NOL4L: variants seen among roughly 807,000 people sequenced by gnomAD.
NOL4L encodes the protein nucleolar protein 4-like.
A neutral mutation model predicts 64.5 loss-of-function variants in NOL4L; 7 were observed. The ratio of observed to expected loss-of-function variants is 0.11; its 90% CI spans 0.06 to 0.20. The LOEUF is 0.20. Ranked by LOEUF, NOL4L falls within the 10% of genes least tolerant of loss-of-function variation. The probability of loss-of-function intolerance (pLI) is 1.00; values close to 1 mark genes in which losing one functional copy is unlikely to be tolerated. For synonymous variants in NOL4L, 413 were observed against 401.0 expected (o/e 1.03, Z -0.36); for missense variants, 680 against 967.1 (o/e 0.70, Z 3.94).
intron 1 of NOL4L, among the ~76,000 whole-genome samples, chr20:32,573,039 CT>C (rs3078261): frequency 0.14 from 19,462 of 142,076 alleles, 3,916 homozygotes; most frequent in African/African-American, 0.45. Context: ...GCATCCTTTT[CT>C]TTTTTTTTTT....
At chr20:32,485,721 T>C (rs1225611567) in intron 4 of NOL4L, 1 of 470,680 alleles carries the variant, frequency 2.1e-6, no homozygotes, top group East Asian at 6.9e-5. Context: ...CTTAAGTTCA[T>C]CCAGGAAATG....
At chr20:32,504,148 C>T (rs2017037203) in intron 4 of NOL4L, among the ~76,000 whole-genome samples, 1 of 151,392 alleles carries the variant, frequency 6.6e-6, no homozygotes, top group Non-Finnish European at 1.5e-5. Flanking sequence ...TCGTTTAGTC[C>T]CCATGTAATC....
At chr20:32,449,189 T>G (rs2012617774) in intron 10 of NOL4L, among the ~76,000 whole-genome samples, 1 of 152,220 alleles carries the variant, frequency 6.6e-6, no homozygotes, top group Non-Finnish European at 1.5e-5. Flanking sequence ...CTGGGAAGCC[T>G]TCTCTGATGC....
chr20:32,501,916 GA>G (rs1326817388), intron 4 of NOL4L, among the ~76,000 whole-genome samples: 1 of 152,166 alleles, frequency 6.6e-6, no homozygotes, highest in African/African-American at 2.4e-5. Flanking sequence ...GAAATGTAAG[GA>G]AATGTAATCA....
intron 1 of NOL4L, among the ~76,000 whole-genome samples, chr20:32,551,041 G>A (rs779855759): frequency 6.6e-6 from 1 of 151,906 alleles, no homozygotes; most frequent in African/African-American, 2.4e-5. Context: ...GGGAGACAGA[G>A]CAAGACTCCA....
intron 1 of NOL4L, among the ~76,000 whole-genome samples, chr20:32,542,125 G>T (rs2018666153): frequency 6.6e-6 from 1 of 152,184 alleles, no homozygotes; most frequent in South Asian, 2.1e-4. Flanking sequence ...CTGGGGCAAG[G>T]TCCCGCATCC....
chr20:32,553,238 C>T (rs908899467), intron 1 of NOL4L, among the ~76,000 whole-genome samples: 1 of 152,172 alleles, frequency 6.6e-6, no homozygotes, highest in Non-Finnish European at 1.5e-5. Context: ...ACCTGGATCA[C>T]TGCAGCAGCC....
chr20:32,488,172 C>T (rs1399259955), intron 4 of NOL4L, among the ~76,000 whole-genome samples: 1 of 152,132 alleles, frequency 6.6e-6, no homozygotes. Flanking sequence ...TCAAGTGATC[C>T]ACCCGCCTTG....
At chr20:32,536,589 G>C (rs2018534492) in intron 1 of NOL4L, among the ~76,000 whole-genome samples, 1 of 148,440 alleles carries the variant, frequency 6.7e-6, no homozygotes, top group African/African-American at 2.5e-5. Flanking sequence ...GGGTTCGGAG[G>C]GCCTGCTGGA....
At chr20:32,573,624 T>C (rs1402854652) in intron 1 of NOL4L, 5 of 213,286 alleles carry the variant, frequency 2.3e-5, no homozygotes, top group Admixed American at 1.4e-4. Flanking sequence ...TGTCATCCCA[T>C]TTTACAGATG....
Position 32,453,693 on chromosome 20 carries a change from C to T in NOL4L, c.1188G>A (p.Leu396=), listed in dbSNP as rs765708805. ...KTEVSGCPED[L]TVGRAPTADD... is the part of the protein sequence containing the mutation. ...CTGCCGTCGGGGCCCGGCCCACTGTCAGGTCCTCAGGGCAGCCGCTGACCT... is the reference window on the plus strand; with the variant it reads ...CTGCCGTCGGGGCCCGGCCCACTGTTAGGTCCTCAGGGCAGCCGCTGACCT... Residue 396 remains leucine (L), a synonymous_variant, in exon 7 of 11, where the codon CTG becomes CTA. Transcript: ENST00000621426. The surrounding 1 kb of genome is among the most constrained non-coding windows in gnomAD (Gnocchi z 5.6). 5.1e-6 allele frequency: 8 copies of T among 1,564,972 alleles called. No homozygotes were observed. The South Asian group carries it at 9.3e-5, about 18-fold the overall frequency.
At chr20:32,508,320 C>T (rs2017220065) in intron 4 of NOL4L, among the ~76,000 whole-genome samples, 1 of 152,192 alleles carries the variant, frequency 6.6e-6, no homozygotes, top group Non-Finnish European at 1.5e-5. Context: ...ATTTTTAGTT[C>T]TAACTCAAGC....
intron 1 of NOL4L, among the ~76,000 whole-genome samples, chr20:32,559,038 G>A (rs181256902): frequency 3.1e-4 from 47 of 152,336 alleles, no homozygotes; most frequent in African/African-American, 1.1e-3. Context: ...CAGATCACAT[G>A]ATGGGGCTGT....
intron 5 of NOL4L, among the ~76,000 whole-genome samples, chr20:32,461,146 TGCCGGCTGCAGCCGCAAGG>T (rs565892154): frequency 1.3e-5 from 2 of 152,320 alleles, no homozygotes; most frequent in East Asian, 3.9e-4. Context: ...GTGGATTTGA[TGCCGGCTGCAGCCGCAAGG>T]GCTGAGTTTA....
chr20:32,474,474 T>C (rs2015247587), intron 5 of NOL4L, 127 bp downstream of exon 5: 18 of 1,181,132 alleles, frequency 1.5e-5, no homozygotes, highest in Non-Finnish European at 2.1e-5. Context: ...AGCTTGGGCC[T>C]GAGCCACCCA....
chr20:32,482,478 CG>C (rs1568639096), intron 4 of NOL4L, among the ~76,000 whole-genome samples: 1 of 152,134 alleles, frequency 6.6e-6, no homozygotes, highest in African/African-American at 2.4e-5. Context: ...AATAAAAATG[CG>C]GATTGCACTC....
chr20:32,474,574 C>T, intron 5 of NOL4L, 27 bp downstream of exon 5: 1 of 1,598,552 alleles, frequency 6.3e-7, no homozygotes, highest in Non-Finnish European at 8.5e-7. Context: ...CACAGCCCCT[C>T]CTCAACTGCC....
intron 1 of NOL4L, chr20:32,573,665 C>T: frequency 4.5e-6 from 1 of 220,130 alleles, no homozygotes; most frequent in South Asian, 6.8e-5. Context: ...GGGGAAGTAA[C>T]TTACCCAAGA....
At chr20:32,449,999 CCT>C (rs2012719648) in intron 10 of NOL4L, 1 of 152,412 alleles carries the variant, frequency 6.6e-6, no homozygotes, top group African/African-American at 2.4e-5. Flanking sequence ...GGAGAAGGTC[CCT>C]GTTTCCTGCA....
Sources: gnomAD v4.1 joint callset for allele counts (sites outside exome capture counted in the v4.1 genomes callset) on GRCh38, gnomAD v4.1.1 for gene constraint, Gnocchi (gnomAD v3.1) non-coding constraint, MANE v1.5 for transcripts, NCBI Gene and HGNC (gene_info 2026-07-23, HGNC 2026-07-21) for gene names.